Variants in BIN3 observed in about 807,000 individuals in gnomAD.
The protein encoded by BIN3 is bridging integrator 3.
Under a neutral mutation model 38.2 loss-of-function variants are expected in BIN3, and 41 were observed. The ratio of observed to expected loss-of-function variants is 1.07; its 90% confidence interval spans 0.84 to 1.39. The LOEUF is 1.39. Ranked by LOEUF, BIN3 falls within the 40% of genes most tolerant of loss-of-function variation. The pLI is 0.00. For missense variants in BIN3, 361 were observed against 324.3 expected, an observed-to-expected ratio of 1.11 and a Z score of -0.87; for synonymous variants, 145 against 122.6, an observed-to-expected ratio of 1.18 and a Z score of -1.21.
intron 1 of BIN3, among the ~76,000 whole-genome samples, chr8:22,650,226 C>G (rs1802847777): frequency 6.6e-6 from 1 of 152,198 alleles, no homozygotes; most frequent in African/African-American, 2.4e-5. Flanking sequence ...AAGGCTTTGA[C>G]ACATTTTGAC....
Position 22,630,487 on chromosome 8 carries a change from G to A in BIN3, c.252C>T (p.Ala84=), listed in dbSNP as rs562812650. 1 of 1,614,018 alleles carries A rather than the reference G, an allele frequency of 6.2e-7. No individual in the cohort carries two copies. The highest frequency in any genetic ancestry group is 1.3e-5 in the African/African-American group (1 of 75,042). ...CCATCCGCTTCATGGCCGTGTCCAGGGCCGTCACCATGTTCAGAAGGTCCT... is the reference window on the plus strand; with the variant it reads ...CCATCCGCTTCATGGCCGTGTCCAGAGCCGTCACCATGTTCAGAAGGTCCT... ...QDQDLLNMVT[A]LDTAMKRMDA... is the part of the protein sequence containing the mutation. Residue 84 remains alanine (A), a synonymous_variant, in exon 5 of 9, where the codon GCC becomes GCT. Transcript: ENST00000276416.
At chr8:22,636,418 C>A in intron 4 of BIN3, 107 bp downstream of exon 4, 1 of 1,171,422 alleles carries the variant, frequency 8.5e-7, no homozygotes, top group Admixed American at 2.0e-5. Flanking sequence ...ACTGGGTACA[C>A]GTCCTCTGAG....
Position 22,662,958 on chromosome 8 carries a change from G to A in BIN3, c.8+6086C>T, listed in dbSNP as rs1411850169. Among the ~76,000 whole-genome samples the A allele has an allele frequency of 5.3e-5, 8 of 152,200 alleles. No homozygotes were observed. The East Asian group carries it at 7.7e-4, about 15-fold the overall frequency. ...TAGAAACCAGCCTGGCTAACATAGC[G>A]AAACTCAGTCTCTACTAAAAAATGG... On this transcript the variant is annotated intron_variant, in intron 1 of 8. Transcript: ENST00000276416.
chr8:22,625,362 T>A (rs377052974), intron 6 of BIN3: 1 of 702,500 alleles, frequency 1.4e-6, no homozygotes, highest in South Asian at 1.5e-5. Flanking sequence ...AGGGAGCTCA[T>A]GACTCTGTGG....
At chr8:22,625,222 G>C in intron 6 of BIN3, 1 of 678,986 alleles carries the variant, frequency 1.5e-6, no homozygotes, top group Non-Finnish European at 2.7e-6. Context: ...GTGTCCTCTA[G>C]TGACCAGGAG....
rs571577753 is a variant in BIN3, at chr8:22,636,452, G to A, written c.160+73C>T. On this transcript the variant is annotated intron_variant, in intron 4 of 8. Transcript: ENST00000276416. ...AGCGCAGCAACTTCAGAGCCCTTGG[G>A]GGGCTGAGAGAGGAGGGTGCCCACC... 5 of 1,467,854 alleles carry A rather than the reference G, an allele frequency of 3.4e-6. No homozygotes were observed. The South Asian group carries it at 6.1e-5, about 18-fold the overall frequency. The allele number at this position is 1,467,854 out of a possible 1,614,324, so 90.9% of individuals were successfully genotyped here.
chr8:22,627,500 G>A (rs773976271), intron 6 of BIN3, among the ~76,000 whole-genome samples: 1 of 152,136 alleles, frequency 6.6e-6, no homozygotes, highest in South Asian at 2.1e-4. Flanking sequence ...AGGTGGAGAC[G>A]TGCACAGGCT....
At chr8:22,655,517 T>C (rs1803028513) in intron 1 of BIN3, among the ~76,000 whole-genome samples, 2 of 152,232 alleles carry the variant, frequency 1.3e-5, no homozygotes, top group African/African-American at 4.8e-5. Context: ...GTCCCAGCAC[T>C]GTTTGTTGAA....
intron 1 of BIN3, among the ~76,000 whole-genome samples, chr8:22,660,844 C>A (rs1046093451): frequency 6.6e-6 from 1 of 152,190 alleles, no homozygotes; most frequent in Non-Finnish European, 1.5e-5. Flanking sequence ...TGTTCAGGCT[C>A]CCTGAGTATC....
intron 2 of BIN3, among the ~76,000 whole-genome samples, chr8:22,642,238 G>C (rs1026859892): frequency 6.6e-6 from 1 of 152,010 alleles, no homozygotes; most frequent in African/African-American, 2.4e-5. Flanking sequence ...CTCCCTGAAA[G>C]TGCCTGGGCA....
At chr8:22,649,850 C>CACATAT (rs1554571389) in intron 1 of BIN3, among the ~76,000 whole-genome samples, 1 of 120,552 alleles carries the variant, frequency 8.3e-6, no homozygotes, top group Non-Finnish European at 1.8e-5. Context: ...CACACACACA[C>CACATAT]ACACACACCC....
At chr8:22,637,051 G>T in intron 2 of BIN3, 89 bp from the exon 3 acceptor site, 1 of 1,160,184 alleles carries the variant, frequency 8.6e-7, no homozygotes, top group Non-Finnish European at 1.3e-6. Flanking sequence ...TCCACACCCT[G>T]CCCCAGTCCG....
intron 4 of BIN3, 99 bp downstream of exon 4, chr8:22,636,426 G>C (rs1402866888): frequency 2.4e-6 from 3 of 1,271,440 alleles, no homozygotes; most frequent in Non-Finnish European, 3.3e-6. Flanking sequence ...CACGTCCTCT[G>C]AGCGCAGCAA....
chr8:22,646,847 A>G (rs1251735944), intron 1 of BIN3, among the ~76,000 whole-genome samples: 1 of 152,190 alleles, frequency 6.6e-6, no homozygotes, highest in Non-Finnish European at 1.5e-5. Context: ...GTTTTTGGAC[A>G]GTGAGCAATT....
intron 2 of BIN3, among the ~76,000 whole-genome samples, chr8:22,641,446 C>T (rs761533751): frequency 2.0e-5 from 3 of 152,172 alleles, no homozygotes; most frequent in Admixed American, 1.3e-4. Flanking sequence ...CCCACCCAAA[C>T]TTATGCTCAT....
At chr8:22,656,818 A>C (rs1803071044) in intron 1 of BIN3, among the ~76,000 whole-genome samples, 1 of 152,216 alleles carries the variant, frequency 6.6e-6, no homozygotes, top group Non-Finnish European at 1.5e-5. Flanking sequence ...ATAACCTATT[A>C]TTGTGTTGAA....
intron 1 of BIN3, among the ~76,000 whole-genome samples, chr8:22,645,575 G>GGCGAGGAGGGCAGGAAAGGGAAGACACCC (rs1802689714): frequency 6.8e-6 from 1 of 147,080 alleles, no homozygotes; most frequent in African/African-American, 2.6e-5. Context: ...AGAGAGGAAA[G>GGCGAGGAGGGCAGGAAAGGGAAGACACCC]GCGAGGATGG....
At chr8:22,652,565 G>A (rs1027290231) in intron 1 of BIN3, among the ~76,000 whole-genome samples, 25 of 152,216 alleles carry the variant, frequency 1.6e-4, no homozygotes, top group African/African-American at 5.8e-4. Flanking sequence ...GAGGGTGTGC[G>A]TTCACTTCAT....
intron 1 of BIN3, among the ~76,000 whole-genome samples, chr8:22,663,915 TCGGCTGTCC>T (rs1028132045): frequency 6.6e-6 from 1 of 152,244 alleles, no homozygotes; most frequent in African/African-American, 2.4e-5. Context: ...CATTTAGTGA[TCGGCTGTCC>T]TTTTGAATCC....
Sources: gnomAD v4.1 joint callset for allele counts (sites outside exome capture counted in the v4.1 genomes callset) on GRCh38, gnomAD v4.1.1 for gene constraint, MANE v1.5 for transcripts, NCBI Gene and HGNC (gene_info 2026-07-23, HGNC 2026-07-21) for gene names.